Variants in ZRSR2 observed in about 807,000 individuals in gnomAD.
ZRSR2 encodes U2 small nuclear ribonucleoprotein auxiliary factor 35 kDa subunit-related protein 2.
Under a neutral mutation model 39.4 loss-of-function variants are expected in ZRSR2, and 3 were observed. The ratio of observed to expected loss-of-function variants is 0.08; its 90% CI spans 0.03 to 0.20. The LOEUF is 0.20. ZRSR2 is among the 10% of genes least tolerant of loss of function. ZRSR2 has a pLI of 1.00. For synonymous variants in ZRSR2, 137 were observed against 136.0 expected (o/e 1.01, Z -0.05); for missense variants, 256 against 391.5 (o/e 0.65, Z 2.92).
At position 15,820,179 on chromosome X, in the gene ZRSR2, A is replaced by G. The variant is rs756091793; in HGVS notation, c.828-28A>G. 2.6e-6 allele frequency: 3 copies of G among 1,132,205 alleles called. No individual in the cohort carries two copies. The East Asian group carries it at 9.0e-5, about 34-fold the overall frequency. The allele number at this position is 1,132,205 out of a possible 1,213,427, so 93.3% of individuals were successfully genotyped here. ...TCTACATATTAGGAAGTTACTGTAA[A>G]GCATATCATTTGATTTTTGGTTTAA... On this transcript the variant is annotated intron_variant, in intron 9 of 10. Coordinates refer to ENST00000307771, the MANE Select transcript of ZRSR2 (RefSeq NM_005089.4).
At chrX:15,809,164 T>C (rs1401871892) in intron 6 of ZRSR2, 36 bp from the exon 7 acceptor site, 2 of 1,005,344 alleles carry the variant, frequency 2.0e-6, no homozygotes, top group Admixed American at 2.2e-5. Context: ...TCATGGGTTT[T>C]TACTCCACCA....
intron 1 of ZRSR2, 37 bp from the exon 2 acceptor site, chrX:15,790,897 A>G (rs375000742): frequency 5.0e-5 from 58 of 1,162,184 alleles, no homozygotes; most frequent in Non-Finnish European, 2.6e-5. Context: ...GCTGCATTGT[A>G]GCCGCTGATC....
At position 15,803,010 on chromosome X, in the gene ZRSR2, C is replaced by G. The variant is rs760380682; in HGVS notation, c.204-678C>G. Among the ~76,000 whole-genome samples, 383 of 109,089 alleles carry G rather than the reference C, an allele frequency of 3.5e-3. 3 individuals carry two copies. Among genetic ancestry groups the G allele is most frequent in the African/African-American group, 0.012 (350 of 30,012 alleles). 94.7% of individuals were successfully genotyped at this position (109,089 alleles called of 115,157 possible). ...GGGTGCAGTGGCTCACACATGTAAT[C>G]CCAGCACTTTGGGAGGCCGAGGCAG... is the stretch of plus-strand genomic sequence containing the variant. On this transcript the variant is annotated intron_variant, in intron 3 of 10. Transcript: ENST00000307771.
chrX:15,792,311 A>G lies in ZRSR2; in HGVS notation c.121+1298A>G, dbSNP rs745341360. ...GTGGCAGGTGCCTGTAATCCCAGCTACTCAGGAGGCTGAGGCAAGAGGATC... is the reference window on the plus strand; with the variant it reads ...GTGGCAGGTGCCTGTAATCCCAGCTGCTCAGGAGGCTGAGGCAAGAGGATC... On this transcript the variant is annotated intron_variant, in intron 2 of 10. Coordinates refer to ENST00000307771, the MANE Select transcript of ZRSR2 (RefSeq NM_005089.4). 1.3e-4 allele frequency among the ~76,000 whole-genome samples: 15 copies of G among 111,959 alleles called. No individual in the cohort carries two copies. In the South Asian group the frequency reaches 4.1e-3, roughly 30 times the overall value.
Position 15,818,643 on chromosome X carries a change from G to A in ZRSR2, c.827+1G>A, listed in dbSNP as rs760052187. On this transcript the variant is annotated splice_donor_variant, in intron 9 of 10. Transcript: ENST00000307771. LOFTEE classifies it high-confidence loss of function. ...GCAATGTATATGTTCAGTACCAGTC[G>A]TAAGTATTCTGCTTGTGGATGTCTT... is the stretch of plus-strand genomic sequence containing the variant. 8.4e-7 allele frequency: 1 copy of A among 1,192,281 alleles called. No homozygotes were observed. Among genetic ancestry groups the A allele is most frequent in the African/African-American group, 1.8e-5 (1 of 57,017 alleles).
At position 15,823,080 on chromosome X, in the gene ZRSR2, C is replaced by T; in HGVS notation, c.1287C>T (p.Arg429=). 3.3e-6 allele frequency: 4 copies of T among 1,209,337 alleles called. No individual in the cohort carries two copies. Among genetic ancestry groups the T allele is most frequent in the Non-Finnish European group, 4.5e-6 (4 of 894,150 alleles). The part of the protein sequence containing the change: ...NSRSRGRNRD[R]SRDRSRGRGS... ...GAAGCAGAGGAAGAAATAGGGACCG[C>T]AGCAGGGACCGCAGCCGGGGCCGGG... Residue 429 remains arginine, a synonymous_variant, in exon 11 of 11, where the codon CGC becomes CGT. Coordinates refer to ENST00000307771, the MANE Select transcript of ZRSR2 (RefSeq NM_005089.4).
chrX:15,799,673 G>T (rs1290132135), intron 2 of ZRSR2, among the ~76,000 whole-genome samples, 199 bp from the exon 3 acceptor site: 1 of 111,164 alleles, frequency 9.0e-6, no homozygotes, highest in Non-Finnish European at 1.9e-5. Flanking sequence ...TAAATGTAAT[G>T]TGCTATCTGC....
intron 2 of ZRSR2, among the ~76,000 whole-genome samples, chrX:15,793,292 T>G (rs1486602097): frequency 8.9e-6 from 1 of 112,091 alleles, no homozygotes; most frequent in Non-Finnish European, 1.9e-5. Context: ...TTGATTTTTT[T>G]TTTCCTTTTT....
At chrX:15,822,553 G>A (rs1231531907) in intron 10 of ZRSR2, among the ~76,000 whole-genome samples, 178 bp from the exon 11 acceptor site, 1 of 112,543 alleles carries the variant, frequency 8.9e-6, no homozygotes, top group Non-Finnish European at 1.9e-5. Flanking sequence ...ATTAGAGCAC[G>A]TTTGAAATCG....
At chrX:15,812,348 G>A (rs769147726) in intron 7 of ZRSR2, among the ~76,000 whole-genome samples, 1 of 112,485 alleles carries the variant, frequency 8.9e-6, no homozygotes, top group South Asian at 3.6e-4. Flanking sequence ...GAAATTCTGC[G>A]AAATTTGCAG....
At chrX:15,792,990 G>A (rs1438645653) in intron 2 of ZRSR2, among the ~76,000 whole-genome samples, 1 of 112,031 alleles carries the variant, frequency 8.9e-6, no homozygotes, top group Non-Finnish European at 1.9e-5. Flanking sequence ...ATTTAGAATG[G>A]AAGGAGCAGT....
Position 15,790,859 on chromosome X carries a change from G to A in ZRSR2, c.42-75G>A, listed in dbSNP as rs1169380551. The stretch of plus-strand genomic sequence containing the variant: ...CACCCGAACTATTTCCTTTCATTGG[G>A]CACAGAGGAGCGGGGAGCTCGGGCA... On this transcript the variant is annotated intron_variant, in intron 1 of 10. Transcript: ENST00000307771. The A allele has an allele frequency of 4.1e-6, 4 of 981,885 alleles. No individual in the cohort carries two copies. In the Admixed American group the frequency reaches 6.7e-5, roughly 17 times the overall value. The allele number at this position is 981,885 out of a possible 1,213,427, so 80.9% of individuals were successfully genotyped here.
At chrX:15,811,796 C>A (rs1371090848) in intron 7 of ZRSR2, among the ~76,000 whole-genome samples, 1 of 112,287 alleles carries the variant, frequency 8.9e-6, no homozygotes, top group Non-Finnish European at 1.9e-5. Context: ...ACTTGGTTGA[C>A]AGGCCCTACC....
chrX:15,791,679 C>T (rs1373075839), intron 2 of ZRSR2, among the ~76,000 whole-genome samples: 4 of 78,007 alleles, frequency 5.1e-5, no homozygotes, highest in South Asian at 1.4e-3. Flanking sequence ...TTTTTTGAGA[C>T]GGAGTCTCGC....
intron 7 of ZRSR2, among the ~76,000 whole-genome samples, chrX:15,812,634 A>C (rs994480579): frequency 3.6e-5 from 4 of 112,144 alleles, no homozygotes; most frequent in African/African-American, 1.3e-4. Flanking sequence ...AAAGGTAATA[A>C]TTACTAATGG....
intron 2 of ZRSR2, among the ~76,000 whole-genome samples, chrX:15,797,757 G>A: frequency 9.0e-6 from 1 of 111,026 alleles, no homozygotes; most frequent in Non-Finnish European, 1.9e-5. Flanking sequence ...GTTGTTCAAG[G>A]GTCAGCTGTA....
Position 15,804,429 on chromosome X carries a change from A to G in ZRSR2, c.399+232A>G, listed in dbSNP as rs746742657. On this transcript the variant is annotated intron_variant, in intron 5 of 10. Coordinates refer to ENST00000307771, the MANE Select transcript of ZRSR2 (RefSeq NM_005089.4). ...CAGCTTTACCCTATTTACCCTTTAT[A>G]CTGGGCATTGGCAAATGTTGTAAAG... Among the ~76,000 whole-genome samples, 90 of 111,147 alleles carry G rather than the reference A, an allele frequency of 8.1e-4. 1 individual carries two copies. Among genetic ancestry groups the G allele is most frequent in the African/African-American group, 2.9e-3 (88 of 30,590 alleles).
intron 2 of ZRSR2, among the ~76,000 whole-genome samples, chrX:15,797,805 G>A (rs747598329): frequency 5.8e-4 from 65 of 111,565 alleles, no homozygotes; most frequent in African/African-American, 2.1e-3. Flanking sequence ...GATTGTACAC[G>A]TGGGGAAAAT....
chrX:15,816,806 T>C (rs1932985798), intron 8 of ZRSR2, among the ~76,000 whole-genome samples: 1 of 112,277 alleles, frequency 8.9e-6, no homozygotes, highest in Non-Finnish European at 1.9e-5. Context: ...AATGAAGATA[T>C]TCCTGACATT....
Sources: allele counts gnomAD v4.1 joint callset (sites outside exome capture counted in the v4.1 genomes callset), GRCh38; gene constraint gnomAD v4.1.1; transcripts MANE v1.5; gene names NCBI Gene and HGNC (gene_info 2026-07-23, HGNC 2026-07-21).